The following DLGAP3 variants were observed in gnomAD, a reference collection of about 807,000 sequenced individuals.
DLGAP3 encodes the protein DLG associated protein 3.
In DLGAP3, 17 loss-of-function variants were observed where a neutral mutation model predicts 81.2. The observed-to-expected ratio is 0.21, with a 90% CI of 0.14 to 0.31. The LOEUF is 0.31. Among genes scored for constraint, DLGAP3 ranks in the 10% least tolerant of loss-of-function variants. The pLI is 1.00. For synonymous variants in DLGAP3, 577 were observed against 587.4 expected (o/e 0.98, Z 0.26); for missense variants, 1,124 against 1,388.0 (o/e 0.81, Z 3.02).
At chr1:34,919,220 A>T (rs1639764229) in intron 1 of DLGAP3, among the ~76,000 whole-genome samples, 1 of 152,084 alleles carries the variant, frequency 6.6e-6, no homozygotes, top group Non-Finnish European at 1.5e-5. Flanking sequence ...ACCCAGCCCC[A>T]TGCTTGCAGG....
intron 1 of DLGAP3, among the ~76,000 whole-genome samples, chr1:34,918,820 A>C (rs1639758229): frequency 6.6e-6 from 1 of 152,124 alleles, no homozygotes; most frequent in South Asian, 2.1e-4. Flanking sequence ...AAGGACATGC[A>C]CACTCCGAGG....
intron 8 of DLGAP3, among the ~76,000 whole-genome samples, chr1:34,879,870 T>A (rs1324660225): frequency 6.6e-6 from 1 of 151,062 alleles, no homozygotes; most frequent in East Asian, 1.9e-4. Context: ...TGTTAAAAAA[T>A]AAAAAATATT....
chr1:34,868,801 G>C lies in DLGAP3; in HGVS notation c.2289C>G (p.Thr763=), dbSNP rs750007956. ...DGSPGPAPAP[T]PGPGAGRRDS... The stretch of plus-strand genomic sequence containing the variant: ...CACGGCGGCCGGCCCCAGGGCCGGG[G>C]GTGGGGGCGGGGGCAGGGCCGGGCG... The change falls in exon 9 of 12, where the codon ACC becomes ACG. Residue 763 remains threonine (T), a synonymous_variant. Coordinates refer to ENST00000373347, the MANE Select transcript of DLGAP3 (RefSeq NM_001080418.3). The surrounding 1 kb of genome is among the most constrained non-coding windows in gnomAD (Gnocchi z 7.5). The C allele has an allele frequency of 2.5e-6, 4 of 1,583,460 alleles. No individual in the cohort carries two copies. In the East Asian group the frequency reaches 9.0e-5, roughly 36 times the overall value.
rs1557450809 is a variant in DLGAP3, at chr1:34,868,132, AGGAAGGGCCATGCTCTCCCTCGGGCCAGG to A, written c.2485+444_2485+472del. Among the ~76,000 whole-genome samples the A allele has an allele frequency of 5.9e-5, 9 of 152,152 alleles. No homozygotes were observed. ...GTGTCTCCCAGTGGATCTGACTTACAGGAAGGGCCATGCTCTCCCTCGGGCCAGGGCCACATCTCCCTGGCTGAATCTCC... is the reference window on the plus strand; with the variant it reads ...GTGTCTCCCAGTGGATCTGACTTACAGCCACATCTCCCTGGCTGAATCTCC... On this transcript the variant is annotated intron_variant, in intron 9 of 11. Coordinates refer to ENST00000373347, the MANE Select transcript of DLGAP3 (RefSeq NM_001080418.3). The surrounding 1 kb of genome is among the most constrained non-coding windows in gnomAD (Gnocchi z 7.5).
chr1:34,879,981 C>T (rs1034396006), intron 8 of DLGAP3, among the ~76,000 whole-genome samples: 1 of 152,058 alleles, frequency 6.6e-6, no homozygotes, highest in African/African-American at 2.4e-5. Context: ...AGATTGCTCA[C>T]CAAAACAAAA....
intron 8 of DLGAP3, among the ~76,000 whole-genome samples, chr1:34,870,431 G>A (rs1362919510): frequency 1.3e-5 from 2 of 152,046 alleles, no homozygotes; most frequent in Admixed American, 6.5e-5. Context: ...CAGCTCTAGG[G>A]TCCCTCCACC....
chr1:34,885,633 C>G lies in DLGAP3; in HGVS notation c.1759G>C (p.Gly587Arg), dbSNP rs762072609. Residue 587 changes from glycine to arginine, a missense_variant, in exon 7 of 12, where the codon GGC becomes CGC. Around this residue, in one of 9 missense-constraint regions of DLGAP3, gnomAD observed 379 missense variants for 455.7 expected, o/e 0.83. Coordinates refer to ENST00000373347, the MANE Select transcript of DLGAP3 (RefSeq NM_001080418.3). ...AGTGTGCGCGCACCCATGGCGGGGC[C>G]GTCCAGCCCGTCGGCGGAGCTGCAG... is the stretch of plus-strand genomic sequence containing the variant. ...RRCSSADGLD[G>R]PAMGARTLEL... is the part of the protein sequence containing the mutation. 28 of 1,502,582 alleles carry G rather than the reference C, an allele frequency of 1.9e-5. No homozygotes were observed. The East Asian group carries it at 6.6e-4, about 35-fold the overall frequency. The allele number at this position is 1,502,582 out of a possible 1,614,324, so 93.1% of individuals were successfully genotyped here. A position where few individuals can be genotyped will look rare whatever the true frequency, so the allele number is the denominator to read the frequency against.
intron 5 of DLGAP3, among the ~76,000 whole-genome samples, chr1:34,899,194 G>A (rs557822316): frequency 5.8e-4 from 88 of 151,052 alleles, no homozygotes; most frequent in Non-Finnish European, 7.8e-4. Context: ...TCAGCCTCCC[G>A]AGTAGCTGGG....
At chr1:34,889,823 A>G (rs1274728288) in intron 5 of DLGAP3, among the ~76,000 whole-genome samples, 1 of 152,230 alleles carries the variant, frequency 6.6e-6, no homozygotes, top group Admixed American at 6.5e-5. Flanking sequence ...AGACTGGAAA[A>G]TCAGAATATT....
At position 34,905,028 on chromosome 1, in the gene DLGAP3, G is replaced by A. The variant is rs1254323372; in HGVS notation, c.356C>T (p.Pro119Leu). Residue 119 changes from proline (P) to leucine (L), a missense_variant, in exon 3 of 12, where the codon CCT becomes CTT. By Grantham distance (98) the Pro-to-Leu change is moderately conservative. Around this residue, in one of 9 missense-constraint regions of DLGAP3, gnomAD observed 167 missense variants for 172.1 expected, o/e 0.97. Transcript: ENST00000373347. ...PQGKGAPRLPPTLLDQFEKQL... is the reference protein window; with the variant it reads ...PQGKGAPRLPLTLLDQFEKQL... ...CTTTTCAAACTGATCCAGGAGTGTAGGAGGCAGGCGGGGGGCACCCTTGCC... is the reference window on the plus strand; with the variant it reads ...CTTTTCAAACTGATCCAGGAGTGTAAGAGGCAGGCGGGGGGCACCCTTGCC... 13 of 1,607,708 alleles carry A rather than the reference G, an allele frequency of 8.1e-6. No individual in the cohort carries two copies. The highest frequency in any genetic ancestry group is 1.0e-5 in the Non-Finnish European group (12 of 1,177,094).
At chr1:34,920,502 A>G (rs1639780745) in intron 1 of DLGAP3, among the ~76,000 whole-genome samples, 1 of 152,184 alleles carries the variant, frequency 6.6e-6, no homozygotes, top group African/African-American at 2.4e-5. Flanking sequence ...CTAAAACAGC[A>G]GATGTGATTA....
At chr1:34,917,304 T>G (rs772814888) in intron 1 of DLGAP3, among the ~76,000 whole-genome samples, 1 of 151,700 alleles carries the variant, frequency 6.6e-6, no homozygotes, top group African/African-American at 2.4e-5. Context: ...CTATGAGGGT[T>G]CATACACCTC....
rs1166307399 is a variant in DLGAP3, at chr1:34,866,306, G to A, written c.2722-5C>T. ...CGGAGGGACCTTCTTCTCCTCCTGC[G>A]GGGCAGAGGGCGTCGCTGAGCTGGG... On this transcript the variant is annotated splice_polypyrimidine_tract_variant and splice_region_variant and intron_variant, in intron 11 of 11. Transcript: ENST00000373347. The A allele has an allele frequency of 4.6e-6, 7 of 1,512,030 alleles. No homozygotes were observed. The East Asian group carries it at 7.4e-5, about 16-fold the overall frequency. The allele number at this position is 1,512,030 out of a possible 1,614,324, so 93.7% of individuals were successfully genotyped here.
At chr1:34,911,023 C>CCG (rs1553124112) in intron 1 of DLGAP3, among the ~76,000 whole-genome samples, 1 of 7,612 alleles carries the variant, frequency 1.3e-4, no homozygotes, top group African/African-American at 2.4e-4. Context: ...ATATTATCCA[C>CCG]CCCCCCCCCA....
chr1:34,925,184 C>T (rs965271752), intron 1 of DLGAP3, among the ~76,000 whole-genome samples: 1 of 79,950 alleles, frequency 1.3e-5, no homozygotes, highest in Non-Finnish European at 2.1e-5. Flanking sequence ...CACCTGACAA[C>T]CCCCCCCCCA....
At chr1:34,919,739 C>T (rs1003329913) in intron 1 of DLGAP3, among the ~76,000 whole-genome samples, 4 of 152,136 alleles carry the variant, frequency 2.6e-5, no homozygotes, top group African/African-American at 9.7e-5. Context: ...GAGATCATGC[C>T]ACTGCACTCC....
chr1:34,906,464 C>A (rs1018390674), intron 2 of DLGAP3, among the ~76,000 whole-genome samples: 1 of 152,176 alleles, frequency 6.6e-6, no homozygotes, highest in African/African-American at 2.4e-5. Flanking sequence ...TCCTTCCACA[C>A]CCTGTGCATT....
intron 1 of DLGAP3, among the ~76,000 whole-genome samples, chr1:34,915,369 A>G (rs1332472063): frequency 6.6e-6 from 1 of 152,168 alleles, no homozygotes; most frequent in African/African-American, 2.4e-5. Context: ...AGGATGCTCT[A>G]CACCTGAGCC....
chr1:34,918,058 G>C (rs1197464790), intron 1 of DLGAP3, among the ~76,000 whole-genome samples: 4 of 152,236 alleles, frequency 2.6e-5, no homozygotes, highest in Non-Finnish European at 5.9e-5. Context: ...GAGAAAAGGA[G>C]GGGCTTGGGA....
Sources: allele counts gnomAD v4.1 joint callset (sites outside exome capture counted in the v4.1 genomes callset), GRCh38; gene constraint gnomAD v4.1.1; regional missense constraint gnomAD v4.1.1; non-coding constraint Gnocchi (gnomAD v3.1); transcripts MANE v1.5; gene names NCBI Gene and HGNC (gene_info 2026-07-23, HGNC 2026-07-21).